Variants in CASP2 observed in about 807,000 individuals in gnomAD.
The protein encoded by CASP2 is caspase 2.
Under a neutral mutation model 54.4 loss-of-function variants are expected in CASP2, and 38 were observed. The ratio of observed to expected loss-of-function variants is 0.70; its 90% CI spans 0.54 to 0.92. The LOEUF is 0.92. Ranked by LOEUF, CASP2 falls within the 40% of genes least tolerant of loss-of-function variation. The pLI is 0.00. For synonymous variants in CASP2, 215 were observed against 216.3 expected (o/e 0.99, Z 0.05); for missense variants, 512 against 579.6 (o/e 0.88, Z 1.20).
In CASP2 at chr7:143,305,001, A is replaced by T; in HGVS notation, c.1289A>T (p.Lys430Met). 1 of 1,614,124 alleles carries T rather than the reference A, an allele frequency of 6.2e-7. No homozygotes were observed. The highest frequency in any genetic ancestry group is 8.5e-7 in the Non-Finnish European group (1 of 1,179,986). The change falls in exon 11 of 11, where the codon AAG (lysine) becomes ATG (methionine). Residue 430 changes from lysine to methionine, a missense_variant. Coordinates refer to ENST00000310447, the MANE Select transcript of CASP2 (RefSeq NM_032982.4). ...CCTGGCACAGAATTCCACCGGTGCA[A>T]GGAGATGTCTGAATACTGCAGCACT... is the stretch of plus-strand genomic sequence containing the variant. ...YAPGTEFHRC[K>M]EMSEYCSTLC...
rs1217627108 is a variant in CASP2, at chr7:143,299,908, A to T, written c.748-15A>T. The T allele has an allele frequency of 1.9e-6, 3 of 1,614,190 alleles. No individual in the cohort carries two copies. The highest frequency in any genetic ancestry group is 1.7e-5 in the Admixed American group (1 of 60,028). Reference sequence around the variant, plus strand: ...CTGACCTTAGTGCACAACACTAAACATTCCTTTCTTTTAGGAAATGCAAGA... The same window carrying T: ...CTGACCTTAGTGCACAACACTAAACTTTCCTTTCTTTTAGGAAATGCAAGA... On this transcript the variant is annotated splice_polypyrimidine_tract_variant and intron_variant, in intron 6 of 10. Transcript: ENST00000310447.
At chr7:143,290,236 AT>A in intron 1 of CASP2, among the ~76,000 whole-genome samples, 1 of 151,594 alleles carries the variant, frequency 6.6e-6, no homozygotes, top group East Asian at 1.9e-4. Context: ...AATTTTTTGT[AT>A]TTTTAGTAGA....
At position 143,303,513 on chromosome 7, in the gene CASP2, C is replaced by T. The variant is rs140715645; in HGVS notation, c.968-271C>T. ...TTGATTTGGCATTTTCCCTGTCTTA[C>T]ACAGAATGGGAACTGCTCCAACCGC... On this transcript the variant is annotated intron_variant, in intron 8 of 10. Transcript: ENST00000310447. The T allele has an allele frequency of 1.4e-3, 501 of 368,556 alleles. 1 individual carries two copies. The highest frequency in any genetic ancestry group is 6.9e-3 in the African/African-American group (334 of 48,672). 22.8% of individuals were successfully genotyped at this position (368,556 alleles called of 1,614,324 possible).
intron 6 of CASP2, among the ~76,000 whole-genome samples, chr7:143,296,606 G>A (rs1374756157): frequency 6.6e-6 from 1 of 152,086 alleles, no homozygotes; most frequent in African/African-American, 2.4e-5. Flanking sequence ...TATAAACCAG[G>A]TAGTTGCAAT....
At chr7:143,293,586 T>C (rs1237837155) in intron 4 of CASP2, among the ~76,000 whole-genome samples, 1 of 151,524 alleles carries the variant, frequency 6.6e-6, no homozygotes, top group Admixed American at 6.6e-5. Context: ...CTCGGCTCAC[T>C]GCAAACTCTG....
chr7:143,295,900 A>G (rs4647307), intron 6 of CASP2, among the ~76,000 whole-genome samples: 1 of 152,230 alleles, frequency 6.6e-6, no homozygotes. Context: ...TGCTTTCCTG[A>G]GAAGTCTGCT....
intron 6 of CASP2, among the ~76,000 whole-genome samples, chr7:143,296,032 C>G (rs1444503592): frequency 6.6e-6 from 1 of 152,122 alleles, no homozygotes; most frequent in Non-Finnish European, 1.5e-5. Flanking sequence ...TACTAGAAAT[C>G]TATTATGTCA....
chr7:143,299,321 A>G (rs961827631), intron 6 of CASP2, among the ~76,000 whole-genome samples: 3 of 152,148 alleles, frequency 2.0e-5, no homozygotes, highest in Non-Finnish European at 4.4e-5. Flanking sequence ...ATTAATCTGA[A>G]CCCAGGACCT....
chr7:143,297,196 T>G (rs1021923219), intron 6 of CASP2, among the ~76,000 whole-genome samples: 34 of 152,208 alleles, frequency 2.2e-4, no homozygotes, highest in Admixed American at 2.1e-3. Context: ...ACTTAGGAGT[T>G]AAGAACCCTG....
chr7:143,301,099 T>A, intron 8 of CASP2: 1 of 195,900 alleles, frequency 5.1e-6, no homozygotes, highest in Non-Finnish European at 9.6e-6. Context: ...CTTCATAAGG[T>A]GCTTGTGATG....
chr7:143,301,748 G>A (rs1801922744), intron 8 of CASP2: 1 of 152,182 alleles, frequency 6.6e-6, no homozygotes, highest in Admixed American at 6.5e-5. Context: ...CTCCCAAACA[G>A]ATGCTCGGAT....
intron 4 of CASP2, chr7:143,293,114 G>GTTTTT (rs11287848): frequency 1.1e-5 from 6 of 565,268 alleles, no homozygotes; most frequent in Admixed American, 6.7e-5. Flanking sequence ...CCTTTTTTTT[G>GTTTTT]TTTTTTTTTT....
chr7:143,291,729 G>A (rs764371664), intron 2 of CASP2, 39 bp downstream of exon 2: 11 of 1,574,926 alleles, frequency 7.0e-6, no homozygotes, highest in Non-Finnish European at 9.6e-6. Context: ...ATTGATCATG[G>A]GGTGGGAATA....
rs772236672 is a variant in CASP2, at chr7:143,300,358, C to A, written c.967+64C>A. 3 of 1,606,314 alleles carry A rather than the reference C, an allele frequency of 1.9e-6. No homozygotes were observed. In the South Asian group the frequency reaches 3.3e-5, roughly 18 times the overall value. On this transcript the variant is annotated intron_variant, in intron 8 of 10. Transcript: ENST00000310447. ...CTGGGCAGCCTCCCACCAGCTCTCA[C>A]TTTCCTGTTTGCTCCTCTCAGGTGC... is the stretch of plus-strand genomic sequence containing the variant.
At chr7:143,290,261 C>T (rs1455490139) in intron 1 of CASP2, among the ~76,000 whole-genome samples, 1 of 151,946 alleles carries the variant, frequency 6.6e-6, no homozygotes, top group Non-Finnish European at 1.5e-5. Context: ...AGGGTTTCAC[C>T]ATGTTGGCCA....
chr7:143,300,343 TC>T, intron 8 of CASP2, 49 bp downstream of exon 8: 2 of 1,606,990 alleles, frequency 1.2e-6, no homozygotes, highest in South Asian at 2.2e-5. Context: ...CTGGGCAGCC[TC>T]CCACCAGCTC....
chr7:143,293,922 A>C (rs898301283), intron 4 of CASP2, among the ~76,000 whole-genome samples: 2 of 152,212 alleles, frequency 1.3e-5, no homozygotes, highest in Non-Finnish European at 2.9e-5. Flanking sequence ...GCTGAATAAG[A>C]AAAGACTACA....
Position 143,305,103 on chromosome 7 carries a change from AG to A in CASP2, c.*33del, listed in dbSNP as rs1279797292. The stretch of plus-strand genomic sequence containing the variant: ...CTCCCCATCATCCACGCCAAGTGGA[AG>A]CCACTGGACCACAGGAGGTGTGATA... On this transcript the variant is annotated 3_prime_UTR_variant, in exon 11 of 11. Transcript: ENST00000310447. 6.2e-7 allele frequency: 1 copy of A among 1,613,280 alleles called. No individual in the cohort carries two copies. Among genetic ancestry groups the A allele is most frequent in the Non-Finnish European group, 8.5e-7 (1 of 1,179,206 alleles).
rs868860430 is a variant in CASP2 at position 143,299,772 on chromosome 7, C to T, written c.748-151C>T. ...GTGAGTCCATAGCTTTCTTTAGTCT[C>T]TCAAAAGGTCTCTTCTTTTATCATT... On this transcript the variant is annotated intron_variant, in intron 6 of 10. Coordinates refer to ENST00000310447, the MANE Select transcript of CASP2 (RefSeq NM_032982.4). The T allele has an allele frequency of 1.2e-4, 96 of 810,146 alleles. No homozygotes were observed. The Middle Eastern group carries it at 7.9e-3, about 67-fold the overall frequency. 50.2% of individuals were successfully genotyped at this position (810,146 alleles called of 1,614,324 possible).
Sources: gnomAD v4.1 joint callset for allele counts (sites outside exome capture counted in the v4.1 genomes callset) on GRCh38, gnomAD v4.1.1 for gene constraint, MANE v1.5 for transcripts, NCBI Gene and HGNC (gene_info 2026-07-23, HGNC 2026-07-21) for gene names.